The following PTPRJ variants were observed in gnomAD, a reference collection of about 807,000 sequenced individuals.
The protein encoded by PTPRJ is receptor-type tyrosine-protein phosphatase eta.
A neutral mutation model predicts 141.3 loss-of-function variants in PTPRJ; 129 were observed. The ratio of observed to expected loss-of-function variants is 0.91; its 90% CI spans 0.79 to 1.06. The LOEUF is 1.06. Ranked by LOEUF, PTPRJ falls within the 50% of genes least tolerant of loss-of-function variation. The probability of loss-of-function intolerance (pLI) is 0.00; values close to 1 mark genes in which losing one functional copy is unlikely to be tolerated. For synonymous variants in PTPRJ, 610 were observed against 640.5 expected (o/e 0.95, Z 0.72); for missense variants, 1,601 against 1,679.7 (o/e 0.95, Z 0.82).
chr11:48,164,300 T>A, intron 23 of PTPRJ, 80 bp from the exon 24 acceptor site: 1 of 1,542,822 alleles, frequency 6.5e-7, no homozygotes, highest in Admixed American at 1.9e-5. Context: ...GAAAGCAAGA[T>A]ATATGTACAA....
rs1857675419 is a variant in PTPRJ, at chr11:48,158,788, C to G, written c.3439-1142C>G. The stretch of plus-strand genomic sequence containing the variant: ...GGGCAACATAGTGAGACCCCCATCT[C>G]TACAAAAATACAAAATAGCTGGGTG... On this transcript the variant is annotated intron_variant, in intron 21 of 24. Coordinates refer to ENST00000418331, the MANE Select transcript of PTPRJ (RefSeq NM_002843.4). The surrounding 1 kb of genome is among the most constrained non-coding windows in gnomAD (Gnocchi z 4.4). Among the ~76,000 whole-genome samples the G allele has an allele frequency of 6.6e-6, 1 of 152,090 alleles. No individual in the cohort carries two copies. Among genetic ancestry groups the G allele is most frequent in the Non-Finnish European group, 1.5e-5 (1 of 67,998 alleles).
chr11:48,142,569 TGTA>T (rs1857258460), intron 11 of PTPRJ, among the ~76,000 whole-genome samples: 1 of 150,398 alleles, frequency 6.6e-6, no homozygotes, highest in Non-Finnish European at 1.5e-5. Context: ...TCTCCTTGAT[TGTA>T]TTCTAATTAT....
chr11:48,088,746 G>A (rs575587233), intron 1 of PTPRJ, among the ~76,000 whole-genome samples: 1 of 152,180 alleles, frequency 6.6e-6, no homozygotes, highest in African/African-American at 2.4e-5. Context: ...TCTGCAGGAC[G>A]GATGAACTAG....
chr11:47,990,292 AC>A (rs1311940284), intron 1 of PTPRJ, among the ~76,000 whole-genome samples: 2 of 152,226 alleles, frequency 1.3e-5, no homozygotes, highest in African/African-American at 4.8e-5. Flanking sequence ...CTTTAAAGTG[AC>A]AAAAAAAGGT....
intron 1 of PTPRJ, among the ~76,000 whole-genome samples, chr11:47,990,295 A>G (rs184367110): frequency 8.1e-4 from 123 of 152,084 alleles, no homozygotes; most frequent in African/African-American, 2.9e-3. Flanking sequence ...TAAAGTGACA[A>G]AAAAAGGTGA....
Position 48,144,699 on chromosome 11 carries a change from T to C in PTPRJ, c.2600T>C (p.Leu867Pro). The C allele has an allele frequency of 6.2e-7, 1 of 1,614,080 alleles. No homozygotes were observed. Among genetic ancestry groups the C allele is most frequent in the African/African-American group, 1.3e-5 (1 of 75,062 alleles). Reference sequence around the variant, plus strand: ...GCTGGTCACCCTTCTGCAGATGTCCTGAAATACACGTATGAGGATTTCAAA... The same window carrying C: ...GCTGGTCACCCTTCTGCAGATGTCCCGAAATACACGTATGAGGATTTCAAA... ...GEAGHPSADV[L>P]KYTYEDFKKG... Residue 867 changes from leucine to proline, a missense_variant, in exon 13 of 25, where the codon CTG becomes CCG. Coordinates refer to ENST00000418331, the MANE Select transcript of PTPRJ (RefSeq NM_002843.4).
intron 6 of PTPRJ, 50 bp from the exon 7 acceptor site, chr11:48,127,730 C>T (rs1473947297): frequency 1.3e-6 from 2 of 1,589,242 alleles, no homozygotes; most frequent in Non-Finnish European, 8.6e-7. Context: ...CTCTCCCTCC[C>T]TCTGCCTTGG....
intron 1 of PTPRJ, among the ~76,000 whole-genome samples, chr11:48,090,239 C>T (rs988554881): frequency 4.6e-5 from 7 of 152,216 alleles, no homozygotes; most frequent in Non-Finnish European, 8.8e-5. Flanking sequence ...GAATGAGGCT[C>T]ACAGCCCCAG....
chr11:48,094,310 G>T (rs1397718609), intron 1 of PTPRJ, among the ~76,000 whole-genome samples: 2 of 152,184 alleles, frequency 1.3e-5, no homozygotes, highest in African/African-American at 4.8e-5. Context: ...AAACCACCTT[G>T]CTGGAGCTTC....
intron 1 of PTPRJ, among the ~76,000 whole-genome samples, chr11:48,093,637 CAA>C (rs1855928898): frequency 6.6e-6 from 1 of 151,982 alleles, no homozygotes; most frequent in Non-Finnish European, 1.5e-5. Flanking sequence ...TTTGTTTGCT[CAA>C]ATTGCCTTTA....
chr11:48,058,834 G>A (rs937464489), intron 1 of PTPRJ, among the ~76,000 whole-genome samples: 3 of 152,200 alleles, frequency 2.0e-5, no homozygotes, highest in Admixed American at 6.5e-5. Flanking sequence ...GAAAAGGCAA[G>A]ATCCTCCCAA....
In PTPRJ at chr11:48,150,442, C is replaced by T. The variant is rs77597165; in HGVS notation, c.3138+259C>T. 4.6e-3 allele frequency among the ~76,000 whole-genome samples: 703 copies of T among 152,320 alleles called. 4 individuals carry two copies. Among genetic ancestry groups the T allele is most frequent in the African/African-American group, 0.017 (686 of 41,570 alleles). ...CTATATAACGCAAGGGGTTGTTGCG[C>T]TCCAAACCCTTTGCGTCATACTGTC... On this transcript the variant is annotated intron_variant, in intron 18 of 24. Transcript: ENST00000418331.
chr11:48,034,417 T>G (rs1364357763), intron 1 of PTPRJ, among the ~76,000 whole-genome samples: 1 of 152,160 alleles, frequency 6.6e-6, no homozygotes, highest in Non-Finnish European at 1.5e-5. Flanking sequence ...ATTAGAAGAT[T>G]AAATAACATA....
At chr11:48,012,230 C>T (rs1854815673) in intron 1 of PTPRJ, among the ~76,000 whole-genome samples, 1 of 152,090 alleles carries the variant, frequency 6.6e-6, no homozygotes, top group Non-Finnish European at 1.5e-5. Flanking sequence ...GGCAGCCTTG[C>T]AGATCAGCTA....
At chr11:48,044,837 T>C (rs528169947) in intron 1 of PTPRJ, 1 of 152,380 alleles carries the variant, frequency 6.6e-6, no homozygotes, top group South Asian at 2.1e-4. Context: ...TTCACTGCTG[T>C]GTGCCAAGCT....
chr11:48,074,857 G>A (rs1156291994), intron 1 of PTPRJ, among the ~76,000 whole-genome samples: 1 of 152,086 alleles, frequency 6.6e-6, no homozygotes, highest in Non-Finnish European at 1.5e-5. Context: ...CAGCAAATTA[G>A]GGCCAGGAGT....
chr11:48,052,500 G>A (rs1406552504), intron 1 of PTPRJ, among the ~76,000 whole-genome samples: 1 of 152,194 alleles, frequency 6.6e-6, no homozygotes, highest in Non-Finnish European at 1.5e-5. Flanking sequence ...AGCTGTGAAA[G>A]CAGGGCAGGC....
chr11:47,982,975 A>C (rs1714185651), intron 1 of PTPRJ, among the ~76,000 whole-genome samples: 1 of 152,116 alleles, frequency 6.6e-6, no homozygotes, highest in South Asian at 2.1e-4. Context: ...CACATTCAGC[A>C]GTTCATTTTG....
intron 1 of PTPRJ, among the ~76,000 whole-genome samples, chr11:48,078,795 G>GTTTTT (rs55980751): frequency 2.3e-4 from 22 of 96,274 alleles, no homozygotes; most frequent in African/African-American, 5.3e-4. Context: ...TCTGTAAATA[G>GTTTTT]TTTTTTTTTT....
Sources: gnomAD v4.1 joint callset for allele counts (sites outside exome capture counted in the v4.1 genomes callset) on GRCh38, gnomAD v4.1.1 for gene constraint, Gnocchi (gnomAD v3.1) non-coding constraint, MANE v1.5 for transcripts, NCBI Gene and HGNC (gene_info 2026-07-23, HGNC 2026-07-21) for gene names.